HTR1E: variants seen among roughly 807,000 people sequenced by gnomAD.
HTR1E encodes the protein 5-HT-1E.
In HTR1E, 3 loss-of-function variants were observed where a neutral mutation model predicts 3.4. That is an observed-to-expected ratio of 0.89 (90% CI 0.41 to 2.31). The LOEUF is 2.31. Ranked by LOEUF, HTR1E falls within the 30% of genes most tolerant of loss-of-function variation. HTR1E has a pLI of 0.05. For missense variants in HTR1E, 392 were observed against 467.0 expected, an observed-to-expected ratio of 0.84 and a Z score of 1.48; for synonymous variants, 170 against 182.8, an observed-to-expected ratio of 0.93 and a Z score of 0.56.
chr6:86,966,618 A>G (rs1562062988), intron 1 of HTR1E, among the ~76,000 whole-genome samples: 1 of 152,188 alleles, frequency 6.6e-6, no homozygotes, highest in Non-Finnish European at 1.5e-5. Flanking sequence ...TCTAGGAGGT[A>G]AGTACAGGGG....
At chr6:86,959,549 C>A (rs1346482220) in intron 1 of HTR1E, among the ~76,000 whole-genome samples, 1 of 152,178 alleles carries the variant, frequency 6.6e-6, no homozygotes, top group African/African-American at 2.4e-5. Flanking sequence ...TGCCACTGCA[C>A]TCCAGCGACT....
At chr6:86,967,555 A>C (rs887896891) in intron 1 of HTR1E, among the ~76,000 whole-genome samples, 8 of 152,172 alleles carry the variant, frequency 5.3e-5, no homozygotes, top group Admixed American at 1.3e-4. Context: ...CAGTGAGCTA[A>C]GCACTGTACC....
chr6:86,945,796 G>A (rs527863997), intron 1 of HTR1E, among the ~76,000 whole-genome samples: 120 of 151,776 alleles, frequency 7.9e-4, no homozygotes, highest in Non-Finnish European at 1.4e-3. Context: ...GTGCAGTGGC[G>A]TGGTGATCCC....
At chr6:86,995,096 C>T (rs1767917176) in intron 1 of HTR1E, among the ~76,000 whole-genome samples, 1 of 151,614 alleles carries the variant, frequency 6.6e-6, no homozygotes, top group South Asian at 2.1e-4. Context: ...CAAATGAAAA[C>T]CAAAAAATAA....
intron 1 of HTR1E, among the ~76,000 whole-genome samples, chr6:86,951,618 C>G (rs1767241639): frequency 1.3e-5 from 2 of 152,046 alleles, no homozygotes; most frequent in Admixed American, 1.3e-4. Context: ...ATATTTTGAA[C>G]TGATGATAAT....
At chr6:86,945,067 A>T (rs990308790) in intron 1 of HTR1E, among the ~76,000 whole-genome samples, 1 of 152,172 alleles carries the variant, frequency 6.6e-6, no homozygotes, top group Admixed American at 6.5e-5. Flanking sequence ...AGCCTCAGGC[A>T]GGTCCTTCAG....
chr6:87,016,201 A>G lies in HTR1E; in HGVS notation c.867A>G (p.Ala289=), dbSNP rs749790737. ...QQISSTRERK[A]ARILGLILGA... ...TCTCTAGCACCAGGGAACGGAAGGCAGCACGCATCCTGGGGCTGATTCTGG... is the reference window on the plus strand; with the variant it reads ...TCTCTAGCACCAGGGAACGGAAGGCGGCACGCATCCTGGGGCTGATTCTGG... Residue 289 remains alanine, a synonymous_variant, in exon 2 of 2, where the codon GCA becomes GCG. Coordinates refer to ENST00000305344, the MANE Select transcript of HTR1E (RefSeq NM_000865.3). 7 of 1,614,190 alleles carry G rather than the reference A, an allele frequency of 4.3e-6. No homozygotes were observed. Among genetic ancestry groups the G allele is most frequent in the South Asian group, 2.2e-5 (2 of 91,082 alleles).
intron 1 of HTR1E, among the ~76,000 whole-genome samples, chr6:86,997,434 G>T (rs1337688349): frequency 6.6e-6 from 1 of 151,696 alleles, no homozygotes; most frequent in Non-Finnish European, 1.5e-5. Context: ...AATCATTTAT[G>T]AAGAAAATTT....
intron 1 of HTR1E, among the ~76,000 whole-genome samples, chr6:87,012,953 GCAC>G (rs2127833990): frequency 6.6e-6 from 1 of 152,314 alleles, no homozygotes; most frequent in Admixed American, 6.5e-5. Context: ...GCTGACTCAG[GCAC>G]ACTTTTTAGG....
At chr6:87,002,104 G>A (rs1768032561) in intron 1 of HTR1E, among the ~76,000 whole-genome samples, 1 of 152,222 alleles carries the variant, frequency 6.6e-6, no homozygotes, top group African/African-American at 2.4e-5. Context: ...CAACACTGGA[G>A]TGTGTTCGGA....
At chr6:87,000,539 T>A (rs909622912) in intron 1 of HTR1E, among the ~76,000 whole-genome samples, 1 of 152,164 alleles carries the variant, frequency 6.6e-6, no homozygotes. Context: ...AGCTCCAATA[T>A]CTCCAGCAGC....
intron 1 of HTR1E, among the ~76,000 whole-genome samples, chr6:86,978,071 T>A (rs1767664556): frequency 1.3e-5 from 2 of 152,220 alleles, no homozygotes; most frequent in South Asian, 4.1e-4. Flanking sequence ...AATTAGCAGA[T>A]CTTTTTTGCT....
intron 1 of HTR1E, among the ~76,000 whole-genome samples, chr6:86,941,849 T>G (rs1006083301): frequency 1.4e-5 from 2 of 141,944 alleles, no homozygotes; most frequent in Non-Finnish European, 1.5e-5. Context: ...AAGGAAGGAA[T>G]GAAGGAAGGA....
intron 1 of HTR1E, among the ~76,000 whole-genome samples, chr6:86,965,810 G>T (rs1767464158): frequency 1.3e-5 from 2 of 152,116 alleles, no homozygotes; most frequent in South Asian, 2.1e-4. Context: ...CTATAAGGAT[G>T]CAAAGGCATA....
intron 1 of HTR1E, among the ~76,000 whole-genome samples, chr6:86,946,590 G>A (rs1015246745): frequency 3.9e-5 from 6 of 152,168 alleles, no homozygotes; most frequent in Non-Finnish European, 8.8e-5. Flanking sequence ...TGGTCATAAT[G>A]ACAATGATGA....
chr6:87,010,081 C>A (rs567963867), intron 1 of HTR1E, among the ~76,000 whole-genome samples: 1 of 134,920 alleles, frequency 7.4e-6, no homozygotes, highest in Admixed American at 7.1e-5. Context: ...ACCTCCCTCC[C>A]GGACGGGGTG....
chr6:86,962,569 G>A (rs1173620111), intron 1 of HTR1E, among the ~76,000 whole-genome samples: 1 of 152,190 alleles, frequency 6.6e-6, no homozygotes, highest in Non-Finnish European at 1.5e-5. Flanking sequence ...TGGGTGCTGT[G>A]GCTCACACCT....
At chr6:87,000,897 G>A (rs1336576661) in intron 1 of HTR1E, among the ~76,000 whole-genome samples, 1 of 152,166 alleles carries the variant, frequency 6.6e-6, no homozygotes, top group African/African-American at 2.4e-5. Context: ...TGAGTAGAAA[G>A]ATTAAGAGAT....
chr6:86,969,176 T>TCTACTGA (rs1208959421), intron 1 of HTR1E, among the ~76,000 whole-genome samples: 8 of 152,038 alleles, frequency 5.3e-5, no homozygotes, highest in Non-Finnish European at 1.2e-4. Flanking sequence ...TGGTTGATAA[T>TCTACTGA]AACCTACTGA....
Sources: allele counts gnomAD v4.1 joint callset (sites outside exome capture counted in the v4.1 genomes callset), GRCh38; gene constraint gnomAD v4.1.1; transcripts MANE v1.5; gene names NCBI Gene and HGNC (gene_info 2026-07-23, HGNC 2026-07-21).